PLEKHN1: variants seen among roughly 807,000 people sequenced by gnomAD.
The protein encoded by PLEKHN1 is pleckstrin homology domain containing N1, also known as pleckstrin homology domain-containing family N member 1.
Under a neutral mutation model 72.8 loss-of-function variants are expected in PLEKHN1, and 68 were observed. That is an observed-to-expected ratio of 0.93 (90% CI 0.77 to 1.14). PLEKHN1 has a LOEUF of 1.14. Among genes scored for constraint, PLEKHN1 ranks in the 50% most tolerant of loss-of-function variants. PLEKHN1 has a pLI of 0.00. For missense variants in PLEKHN1, 1,015 were observed against 840.5 expected (o/e 1.21, Z -2.57); for synonymous variants, 454 against 371.6 (o/e 1.22, Z -2.55).
intron 12 of PLEKHN1, 38 bp downstream of exon 12, chr1:973,364 C>T: frequency 1.3e-6 from 2 of 1,554,328 alleles, no homozygotes; most frequent in Non-Finnish European, 1.7e-6. Context: ...TGGCCTGGTT[C>T]CCACCGTTCC....
At chr1:971,493 G>A (rs1046265719) in intron 8 of PLEKHN1, 89 bp downstream of exon 8, 165 of 1,263,654 alleles carry the variant, frequency 1.3e-4, no homozygotes, top group Middle Eastern at 2.6e-4. Context: ...CCTGTATTTC[G>A]GGGCTTGTTG....
At position 966,576 on chromosome 1, in the gene PLEKHN1, G is replaced by A. The variant is rs1241111203; in HGVS notation, c.45G>A (p.Arg15=). 6.2e-7 allele frequency: 1 copy of A among 1,611,020 alleles called. No homozygotes were observed. Residue 15 remains arginine, a synonymous_variant, in exon 1 of 16, where the codon CGG becomes CGA. Coordinates refer to ENST00000379410, the MANE Select transcript of PLEKHN1 (RefSeq NM_032129.3). The part of the protein sequence containing the change: ...HCVPQAPRRL[R]ASFSRKPSLK... ...TCCCTCAGGCCCCCAGGAGGCTCCG[G>A]GCCTCCTTCTCCAGAAAGCCCTCGC...
intron 2 of PLEKHN1, among the ~76,000 whole-genome samples, chr1:969,058 G>A (rs987155178): frequency 6.6e-6 from 1 of 152,212 alleles, no homozygotes; most frequent in Non-Finnish European, 1.5e-5. Flanking sequence ...ATTGGCAAAC[G>A]TTACAAATCA....
chr1:974,264 C>G, intron 14 of PLEKHN1, 52 bp from the exon 15 acceptor site: 1 of 1,612,262 alleles, frequency 6.2e-7, no homozygotes, highest in Non-Finnish European at 8.5e-7. Flanking sequence ...CGCCTCCAAG[C>G]TCCCTGCCTG....
chr1:968,220 G>C (rs568929693), intron 2 of PLEKHN1, among the ~76,000 whole-genome samples: 1 of 152,238 alleles, frequency 6.6e-6, no homozygotes, highest in Admixed American at 6.5e-5. Context: ...AAAGCCATGC[G>C]TCTGTCTGTT....
intron 14 of PLEKHN1, 81 bp downstream of exon 14, chr1:974,132 G>A (rs1247917210): frequency 4.0e-6 from 6 of 1,491,750 alleles, no homozygotes; most frequent in Non-Finnish European, 5.4e-6. Context: ...GGGACTCTGA[G>A]GGAGCAGGGA....
At chr1:969,674 G>A (rs999365122) in intron 2 of PLEKHN1, among the ~76,000 whole-genome samples, 17 of 152,232 alleles carry the variant, frequency 1.1e-4, no homozygotes, top group Admixed American at 6.5e-4. Flanking sequence ...ATATGTGTGC[G>A]TGTGTGTACA....
In PLEKHN1 at chr1:969,522, ATG is replaced by A. The variant is rs1643179224; in HGVS notation, c.184-750_184-749del. Among the ~76,000 whole-genome samples, 5 of 151,572 alleles carry A rather than the reference ATG, an allele frequency of 3.3e-5. No homozygotes were observed. The South Asian group carries it at 1.0e-3, about 32-fold the overall frequency. ...CATGTGTGTATAGGTGTGCATGTGT[ATG>A]TGTGCACGTGTGTATGTGCACGTGT... is the stretch of plus-strand genomic sequence containing the variant. On this transcript the variant is annotated intron_variant, in intron 2 of 15. Transcript: ENST00000379410.
intron 8 of PLEKHN1, among the ~76,000 whole-genome samples, chr1:971,708 G>A (rs888592904): frequency 6.6e-6 from 1 of 152,204 alleles, no homozygotes; most frequent in Admixed American, 6.5e-5. Flanking sequence ...GTGCACACGT[G>A]CGTGTGCGTG....
chr1:971,118 T>C lies in PLEKHN1; in HGVS notation c.618T>C (p.Arg206=), dbSNP rs1643300998. 6.3e-7 allele frequency: 1 copy of C among 1,597,400 alleles called. No homozygotes were observed. The highest frequency in any genetic ancestry group is 8.5e-7 in the Non-Finnish European group (1 of 1,172,754). Residue 206 remains arginine (R), a synonymous_variant, in exon 7 of 16, where the codon CGT becomes CGC. Coordinates refer to ENST00000379410, the MANE Select transcript of PLEKHN1 (RefSeq NM_032129.3). ...RRCHSAPPQR[R]LTRLRTASGH... is the part of the protein sequence containing the mutation. The stretch of plus-strand genomic sequence containing the variant: ...AACTCCCCTGGACTTTGCAGCGCCG[T>C]CTAACCCGGCTGCGGACGGCGTCAG...
rs1452913785 is a variant in PLEKHN1, at chr1:970,415, C to T, written c.322C>T (p.His108Tyr). 1.2e-6 allele frequency: 2 copies of T among 1,613,302 alleles called. No individual in the cohort carries two copies. Among genetic ancestry groups the T allele is most frequent in the Non-Finnish European group, 1.7e-6 (2 of 1,179,954 alleles). The change falls in exon 3 of 16, where the codon CAC becomes TAC. Residue 108 changes from histidine (H) to tyrosine (Y), a missense_variant. His to Tyr is a moderately conservative substitution (Grantham distance 83, BLOSUM62 2). Transcript: ENST00000379410. This position sits in a 1 kb window ranked among gnomAD's most constrained non-coding sequence, Gnocchi z 4.2. The part of the protein sequence containing the change: ...HYAKVQLRFQ[H>Y]SQDVSDCYLE... ...CGCCAAGGTCCAGCTGCGGTTCCAG[C>T]ACAGCCAGGTGGGGGCCGGGCTGGG...
In PLEKHN1 at chr1:972,932, C is replaced by A. The variant is rs141584625; in HGVS notation, c.1074C>A (p.Pro358=). 150 of 1,563,500 alleles carry A rather than the reference C, an allele frequency of 9.6e-5. No individual in the cohort carries two copies. The highest frequency in any genetic ancestry group is 1.1e-4 in the Non-Finnish European group (127 of 1,153,922). Reference sequence around the variant, plus strand: ...GCTGGGACTCGGGGTGCTTGGCGCCCCCCTCCACCCGCACCAGCCACTCCC... The same window carrying A: ...GCTGGGACTCGGGGTGCTTGGCGCCACCCTCCACCCGCACCAGCCACTCCC... ...QTSWDSGCLA[P]PSTRTSHSLP... Residue 358 remains proline (P), a synonymous_variant, in exon 11 of 16, where the codon CCC becomes CCA. Transcript: ENST00000379410.
intron 2 of PLEKHN1, among the ~76,000 whole-genome samples, chr1:969,620 CTGTG>C (rs367654022): frequency 2.0e-5 from 3 of 149,508 alleles, no homozygotes; most frequent in Non-Finnish European, 3.0e-5. Context: ...GTGTGCATAT[CTGTG>C]TATGTGCAAC....
intron 8 of PLEKHN1, among the ~76,000 whole-genome samples, chr1:971,706 G>A (rs748964708): frequency 3.3e-5 from 5 of 152,324 alleles, no homozygotes; most frequent in East Asian, 1.9e-4. Context: ...GTGTGCACAC[G>A]TGCGTGTGCG....
At chr1:973,419 C>T in intron 12 of PLEKHN1, 81 bp from the exon 13 acceptor site, 1 of 1,574,104 alleles carries the variant, frequency 6.4e-7, no homozygotes, top group East Asian at 2.2e-5. Context: ...CTGGAGCCAC[C>T]CAGAGGCCTC....
Position 970,777 on chromosome 1 carries a change from G to A in PLEKHN1, c.484+19G>A, listed in dbSNP as rs371752429. On this transcript the variant is annotated intron_variant, in intron 5 of 15. Coordinates refer to ENST00000379410, the MANE Select transcript of PLEKHN1 (RefSeq NM_032129.3). This position sits in a 1 kb window ranked among gnomAD's most constrained non-coding sequence, Gnocchi z 4.2. The stretch of plus-strand genomic sequence containing the variant: ...ATCACAGGTGTTTGGGATGCTTCCC[G>A]GGCCCCCAGAGGCACTCCTGACCCA... 5.0e-5 allele frequency: 80 copies of A among 1,612,556 alleles called. No homozygotes were observed. Among genetic ancestry groups the A allele is most frequent in the Middle Eastern group, 3.3e-4 (2 of 6,084 alleles).
In PLEKHN1 at chr1:970,028, G is replaced by C. The variant is rs537686419; in HGVS notation, c.184-249G>C. 6.7e-5 allele frequency among the ~76,000 whole-genome samples: 10 copies of C among 149,208 alleles called. No individual in the cohort carries two copies. The highest frequency in any genetic ancestry group is 2.0e-4 in the African/African-American group (8 of 40,618). Reference sequence around the variant, plus strand: ...GTGGCTGTGCACAGGTTCTGTGCCTGTGGGGGGCTGTTCTTCACGTATGTG... The same window carrying C: ...GTGGCTGTGCACAGGTTCTGTGCCTCTGGGGGGCTGTTCTTCACGTATGTG... On this transcript the variant is annotated intron_variant, in intron 2 of 15. Transcript: ENST00000379410. The surrounding 1 kb of genome is among the most constrained non-coding windows in gnomAD (Gnocchi z 4.2).
At position 970,529 on chromosome 1, in the gene PLEKHN1, C is replaced by A. The variant is rs553671782; in HGVS notation, c.339C>A (p.Ser113Arg). The A allele has an allele frequency of 1.9e-6, 3 of 1,612,954 alleles. No individual in the cohort carries two copies. Among genetic ancestry groups the A allele is most frequent in the African/African-American group, 2.7e-5 (2 of 74,904 alleles). Residue 113 changes from serine (S) to arginine (R), a missense_variant, in exon 4 of 16, where the codon AGC (serine) becomes AGA (arginine). Physicochemically the swap from Ser to Arg is moderately radical, Grantham distance 110. Transcript: ENST00000379410. This position sits in a 1 kb window ranked among gnomAD's most constrained non-coding sequence, Gnocchi z 4.2. ...CCCTGCTCCCCGCGCAGGATGTCAG[C>A]GACTGCTACCTGGAGCTATTCCCCG... ...QLRFQHSQDV[S>R]DCYLELFPAH... is the part of the protein sequence containing the mutation.
intron 2 of PLEKHN1, among the ~76,000 whole-genome samples, chr1:967,972 C>T (rs918134160): frequency 1.3e-5 from 2 of 152,220 alleles, no homozygotes; most frequent in Non-Finnish European, 2.9e-5. Context: ...AGCTCTGGGC[C>T]AGTCCTAGAG....
Sources: gnomAD v4.1 joint callset for allele counts (sites outside exome capture counted in the v4.1 genomes callset) on GRCh38, gnomAD v4.1.1 for gene constraint, Gnocchi (gnomAD v3.1) non-coding constraint, MANE v1.5 for transcripts, NCBI Gene and HGNC (gene_info 2026-07-23, HGNC 2026-07-21) for gene names.